The following CRIM1 variants were observed in gnomAD, a reference collection of about 807,000 sequenced individuals.
CRIM1 encodes cysteine-rich motor neuron 1 protein.
Under a neutral mutation model 116.4 loss-of-function variants are expected in CRIM1, and 32 were observed. The ratio of observed to expected loss-of-function variants is 0.27; its 90% CI spans 0.21 to 0.37. The LOEUF (loss-of-function observed/expected upper bound fraction) is 0.37. Ranked by LOEUF, CRIM1 falls within the 10% of genes least tolerant of loss-of-function variation. The probability of loss-of-function intolerance (pLI) is 1.00; values close to 1 mark genes in which losing one functional copy is unlikely to be tolerated. For synonymous variants in CRIM1, 590 were observed against 509.2 expected (o/e 1.16, Z -2.13); for missense variants, 1,331 against 1,354.8 (o/e 0.98, Z 0.28).
intron 2 of CRIM1, among the ~76,000 whole-genome samples, chr2:36,403,275 C>T (rs1672552059): frequency 6.6e-6 from 1 of 151,630 alleles, no homozygotes; most frequent in South Asian, 2.1e-4. Context: ...AGATAATTCT[C>T]CTCTGTTTTA....
chr2:36,532,518 C>A (rs937185635), intron 13 of CRIM1, among the ~76,000 whole-genome samples: 5 of 152,170 alleles, frequency 3.3e-5, no homozygotes, highest in African/African-American at 4.8e-5. Flanking sequence ...ATGATGCAGT[C>A]AGGTAAAGGA....
intron 1 of CRIM1, among the ~76,000 whole-genome samples, chr2:36,363,822 G>T (rs930797412): frequency 5.9e-5 from 9 of 152,154 alleles, no homozygotes; most frequent in Non-Finnish European, 1.2e-4. Flanking sequence ...GATTTGGCCT[G>T]GCTTGAGCAA....
At chr2:36,537,655 A>G (rs1179208430) in intron 14 of CRIM1, 109 bp downstream of exon 14, 1 of 1,243,106 alleles carries the variant, frequency 8.0e-7, no homozygotes, top group Non-Finnish European at 1.1e-6. Context: ...CGGCCCAAGT[A>G]GCGTGTCAGG....
In CRIM1 at chr2:36,522,126, C is replaced by T. The variant is rs758415983; in HGVS notation, c.2241C>T (p.Asn747=). ...QPFRPSLSRN[N]SVPNYCKNDE... is the part of the protein sequence containing the mutation. ...TTCGGCCTTCCTTGTCCCGCAATAA[C>T]AGCGTACCTAATTACTGCAAAAATG... is the stretch of plus-strand genomic sequence containing the variant. Residue 747 remains asparagine, a synonymous_variant, in exon 13 of 17, where the codon AAC becomes AAT. Transcript: ENST00000280527. 12 of 1,614,064 alleles carry T rather than the reference C, an allele frequency of 7.4e-6. No homozygotes were observed. The highest frequency in any genetic ancestry group is 1.0e-5 in the Non-Finnish European group (12 of 1,180,010).
chr2:36,389,521 T>C (rs575392694), intron 1 of CRIM1, among the ~76,000 whole-genome samples: 1 of 152,306 alleles, frequency 6.6e-6, no homozygotes, highest in African/African-American at 2.4e-5. Context: ...TACTGTGAGC[T>C]TCTGCGTGTG....
At chr2:36,384,134 G>A (rs1021444808) in intron 1 of CRIM1, among the ~76,000 whole-genome samples, 3 of 152,244 alleles carry the variant, frequency 2.0e-5, no homozygotes, top group African/African-American at 7.2e-5. Flanking sequence ...GTCTGCCAAA[G>A]TCTTGCCAGA....
At chr2:36,376,262 C>T (rs894937427) in intron 1 of CRIM1, among the ~76,000 whole-genome samples, 3 of 152,192 alleles carry the variant, frequency 2.0e-5, no homozygotes, top group Admixed American at 2.0e-4. Flanking sequence ...TTGCCAAAAG[C>T]TTCTTAACCA....
intron 13 of CRIM1, among the ~76,000 whole-genome samples, chr2:36,535,869 G>A (rs542487779): frequency 6.6e-6 from 1 of 152,308 alleles, no homozygotes; most frequent in East Asian, 1.9e-4. Context: ...CATCGTGTTA[G>A]GTATTGCAAG....
chr2:36,420,556 A>G (rs923593272), intron 2 of CRIM1, among the ~76,000 whole-genome samples: 2 of 152,200 alleles, frequency 1.3e-5, no homozygotes, highest in Non-Finnish European at 2.9e-5. Flanking sequence ...CTCTTGCCAT[A>G]TGTACGGGGT....
intron 4 of CRIM1, among the ~76,000 whole-genome samples, chr2:36,455,534 A>C (rs1413366139): frequency 6.6e-6 from 1 of 152,184 alleles, no homozygotes; most frequent in Non-Finnish European, 1.5e-5. Flanking sequence ...GCCAAAGTGC[A>C]TTCCCCAAAC....
chr2:36,545,724 A>G (rs1667278163), intron 15 of CRIM1, among the ~76,000 whole-genome samples: 2 of 152,166 alleles, frequency 1.3e-5, no homozygotes, highest in Non-Finnish European at 2.9e-5. Context: ...CCTCACTTGC[A>G]GCTTCATTTT....
At chr2:36,384,439 C>A (rs1026088835) in intron 1 of CRIM1, among the ~76,000 whole-genome samples, 1 of 151,926 alleles carries the variant, frequency 6.6e-6, no homozygotes, top group African/African-American at 2.4e-5. Context: ...AAGTGAGGAC[C>A]CAGTGAGTTG....
intron 4 of CRIM1, among the ~76,000 whole-genome samples, chr2:36,463,808 C>A (rs1006449665): frequency 6.6e-6 from 1 of 152,208 alleles, no homozygotes; most frequent in Non-Finnish European, 1.5e-5. Flanking sequence ...CACCCCCATT[C>A]ATGCGTGCAG....
chr2:36,525,820 A>G (rs1665720303), intron 13 of CRIM1, among the ~76,000 whole-genome samples: 2 of 151,874 alleles, frequency 1.3e-5, no homozygotes, highest in Non-Finnish European at 2.9e-5. Context: ...TTAGTGGTCA[A>G]AAAAAAAGTA....
intron 1 of CRIM1, among the ~76,000 whole-genome samples, chr2:36,383,357 C>T (rs1387040421): frequency 6.6e-6 from 1 of 152,146 alleles, no homozygotes; most frequent in African/African-American, 2.4e-5. Context: ...CCTTGGAAGG[C>T]CTGAATTATT....
rs1671876150 is a variant in CRIM1 at position 36,394,641 on chromosome 2, T to C, written c.332-1973T>C. The stretch of plus-strand genomic sequence containing the variant: ...ATATAAAACATATATATATATCTTA[T>C]ATATGTATGTTGTTTCTCAGAACCA... On this transcript the variant is annotated intron_variant, in intron 1 of 16. Transcript: ENST00000280527. Among the ~76,000 whole-genome samples the C allele has an allele frequency of 2.0e-5, 3 of 151,776 alleles. No homozygotes were observed. In the South Asian group the frequency reaches 6.2e-4, roughly 31 times the overall value.
At chr2:36,469,558 C>A (rs1678324413) in intron 5 of CRIM1, among the ~76,000 whole-genome samples, 1 of 152,088 alleles carries the variant, frequency 6.6e-6, no homozygotes, top group African/African-American at 2.4e-5. Context: ...TGTGAAATCA[C>A]CATTTAAAGG....
chr2:36,372,375 T>C (rs1387540505), intron 1 of CRIM1, among the ~76,000 whole-genome samples: 2 of 152,190 alleles, frequency 1.3e-5, no homozygotes, highest in Admixed American at 1.3e-4. Flanking sequence ...CAGTGTGGAA[T>C]TGTTTTTTCT....
At chr2:36,404,420 G>A (rs536228258) in intron 2 of CRIM1, among the ~76,000 whole-genome samples, 6 of 152,132 alleles carry the variant, frequency 3.9e-5, no homozygotes, top group Non-Finnish European at 7.4e-5. Flanking sequence ...CAAGAAATAG[G>A]ATTATAGTCA....
Sources: gnomAD v4.1 joint callset for allele counts (sites outside exome capture counted in the v4.1 genomes callset) on GRCh38, gnomAD v4.1.1 for gene constraint, MANE v1.5 for transcripts, NCBI Gene and HGNC (gene_info 2026-07-23, HGNC 2026-07-21) for gene names.